ZC3H12B: variants seen among roughly 807,000 people sequenced by gnomAD.
The protein encoded by ZC3H12B is probable ribonuclease ZC3H12B.
ZC3H12B carries 7 observed loss-of-function variants against 43.9 expected under a neutral mutation model. The ratio of observed to expected loss-of-function variants is 0.16; its 90% CI spans 0.09 to 0.30. The LOEUF (loss-of-function observed/expected upper bound fraction) is 0.30, where lower values mean the gene tolerates loss of function less well. Among genes scored for constraint, ZC3H12B ranks in the 10% least tolerant of loss-of-function variants. The pLI, the probability that ZC3H12B is intolerant of heterozygous loss-of-function variation, is 1.00. For missense variants in ZC3H12B, 475 were observed against 670.2 expected (o/e 0.71, Z 3.22); for synonymous variants, 222 against 241.7 (o/e 0.92, Z 0.76).
chrX:65,085,316 A>G, the ZC3H12B span, among the ~76,000 whole-genome samples: 1 of 111,508 alleles, frequency 9.0e-6, no homozygotes, highest in Non-Finnish European at 1.9e-5. Context: ...TGGATGCCCT[A>G]TTCTCTTTGA....
chrX:65,279,927 T>C, the ZC3H12B span, among the ~76,000 whole-genome samples: 1 of 112,184 alleles, frequency 8.9e-6, no homozygotes, highest in South Asian at 3.6e-4. Flanking sequence ...GAAAAGACAC[T>C]TCTAAAAAGA....
the ZC3H12B span, among the ~76,000 whole-genome samples, chrX:65,145,618 T>C: frequency 8.9e-6 from 1 of 111,864 alleles, no homozygotes; most frequent in Non-Finnish European, 1.9e-5. Context: ...AGAAGTTCTG[T>C]TTTGATGTGT....
chrX:65,417,623 A>T (rs894987743), intron 3 of ZC3H12B, among the ~76,000 whole-genome samples: 2 of 112,639 alleles, frequency 1.8e-5, no homozygotes, highest in African/African-American at 6.5e-5. Flanking sequence ...ATGGCAGATT[A>T]AATTATTCTC....
the ZC3H12B span, among the ~76,000 whole-genome samples, chrX:65,256,292 A>G: frequency 8.9e-6 from 1 of 112,027 alleles, no homozygotes; most frequent in African/African-American, 3.2e-5. Context: ...TGGACATAAA[A>G]CCATTTCCAG....
chrX:65,192,011 C>T, the ZC3H12B span, among the ~76,000 whole-genome samples: 1 of 109,186 alleles, frequency 9.2e-6, no homozygotes, highest in Non-Finnish European at 1.9e-5. Flanking sequence ...TCTTTGTTCT[C>T]GTTGGTTTCA....
chrX:65,160,986 A>T, the ZC3H12B span, among the ~76,000 whole-genome samples: 1 of 111,077 alleles, frequency 9.0e-6, no homozygotes, highest in South Asian at 3.8e-4. Flanking sequence ...GTTTCAAAGA[A>T]CATCTTTATT....
the ZC3H12B span, among the ~76,000 whole-genome samples, chrX:65,129,316 G>A: frequency 9.3e-6 from 1 of 108,068 alleles, no homozygotes; most frequent in South Asian, 4.1e-4. Flanking sequence ...ATGCATCCGT[G>A]TGAAGAGACC....
the ZC3H12B span, among the ~76,000 whole-genome samples, chrX:65,044,608 A>C: frequency 1.3e-4 from 15 of 111,484 alleles, no homozygotes; most frequent in African/African-American, 4.9e-4. Flanking sequence ...GAGACCAATT[A>C]AAGAGGATGT....
the ZC3H12B span, among the ~76,000 whole-genome samples, chrX:65,229,610 G>A: frequency 2.8e-5 from 3 of 107,714 alleles, no homozygotes; most frequent in African/African-American, 6.8e-5. Context: ...CTACAAAATG[G>A]GAGAAAATTT....
chrX:65,264,083 A>G, the ZC3H12B span, among the ~76,000 whole-genome samples: 4 of 111,715 alleles, frequency 3.6e-5, no homozygotes, highest in African/African-American at 1.3e-4. Flanking sequence ...ATACCTTGTC[A>G]CTTATAAATG....
At chrX:65,220,590 T>TA in the ZC3H12B span, among the ~76,000 whole-genome samples, 1 of 111,578 alleles carries the variant, frequency 9.0e-6, no homozygotes, top group Non-Finnish European at 1.9e-5. Context: ...CAACAGCAGA[T>TA]AAAAAAGACA....
At chrX:65,330,749 T>G in the ZC3H12B span, 1 of 130,668 alleles carries the variant, frequency 7.7e-6, no homozygotes, top group East Asian at 2.3e-4. Context: ...ATCCCAGGGA[T>G]GAAGCCCACT....
At chrX:65,410,474 C>A (rs1195387366) in intron 3 of ZC3H12B, among the ~76,000 whole-genome samples, 1 of 111,505 alleles carries the variant, frequency 9.0e-6, no homozygotes, top group Non-Finnish European at 1.9e-5. Flanking sequence ...GAGATTACAC[C>A]AAGCTAAAAA....
the ZC3H12B span, among the ~76,000 whole-genome samples, chrX:65,334,756 G>T: frequency 9.0e-6 from 1 of 111,466 alleles, no homozygotes; most frequent in Non-Finnish European, 1.9e-5. Flanking sequence ...AGGCACAACT[G>T]GAAGGCAAAA....
chrX:65,110,020 C>T, the ZC3H12B span, among the ~76,000 whole-genome samples: 1 of 111,272 alleles, frequency 9.0e-6, no homozygotes, highest in African/African-American at 3.3e-5. Context: ...AGTGATATCT[C>T]ATTTGTGTTT....
intron 3 of ZC3H12B, among the ~76,000 whole-genome samples, chrX:65,417,739 G>T (rs775882724): frequency 8.9e-6 from 1 of 112,801 alleles, no homozygotes; most frequent in Non-Finnish European, 1.9e-5. Flanking sequence ...TTTTGCGTGG[G>T]CAAAGCCCTT....
chrX:65,347,215 G>A, the ZC3H12B span, among the ~76,000 whole-genome samples: 1 of 111,481 alleles, frequency 9.0e-6, no homozygotes, highest in African/African-American at 3.3e-5. Context: ...AGAGGGGCCT[G>A]ACTTTTAGAA....
intron 2 of ZC3H12B, among the ~76,000 whole-genome samples, chrX:65,387,607 G>A (rs1436613836): frequency 8.9e-6 from 1 of 111,999 alleles, no homozygotes; most frequent in Non-Finnish European, 1.9e-5. Flanking sequence ...TTGGCAGTCT[G>A]TGTCTTTTAT....
the ZC3H12B span, among the ~76,000 whole-genome samples, chrX:65,327,543 G>T: frequency 9.0e-6 from 1 of 111,143 alleles, no homozygotes. Context: ...GACTTGCAAA[G>T]GATGAGCTCT....
Sources: gnomAD v4.1 joint callset for allele counts (sites outside exome capture counted in the v4.1 genomes callset) on GRCh38, gnomAD v4.1.1 for gene constraint, MANE v1.5 for transcripts, NCBI Gene and HGNC (gene_info 2026-07-23, HGNC 2026-07-21) for gene names.